The following PARD3 variants were observed in gnomAD, a reference collection of about 807,000 sequenced individuals.
PARD3 encodes partitioning defective 3 homolog.
Under a neutral mutation model 155.4 loss-of-function variants are expected in PARD3, and 75 were observed. The observed-to-expected ratio is 0.48, with a 90% CI of 0.40 to 0.58. PARD3 has a LOEUF of 0.58. PARD3 is among the 20% of genes least tolerant of loss of function. The pLI is 0.00. For missense variants in PARD3, 1,642 were observed against 1,721.7 expected, an observed-to-expected ratio of 0.95 and a Z score of 0.82; for synonymous variants, 576 against 610.5, an observed-to-expected ratio of 0.94 and a Z score of 0.83.
chr10:34,558,749 G>A (rs769663909), intron 2 of PARD3, among the ~76,000 whole-genome samples: 6 of 152,130 alleles, frequency 3.9e-5, no homozygotes, highest in Non-Finnish European at 8.8e-5. Context: ...TGGCCAACAT[G>A]GTGAAACCCC....
chr10:34,528,021 C>A (rs1016693421), intron 2 of PARD3, among the ~76,000 whole-genome samples: 3 of 152,126 alleles, frequency 2.0e-5, no homozygotes, highest in East Asian at 1.9e-4. Context: ...TAATAAAATT[C>A]TTTTTATCAA....
chr10:34,243,474 G>T (rs766951169), intron 22 of PARD3, among the ~76,000 whole-genome samples: 2 of 152,098 alleles, frequency 1.3e-5, no homozygotes, highest in Admixed American at 6.5e-5. Context: ...GTGCTAAAAC[G>T]AAATGCTTCT....
Position 34,270,812 on chromosome 10 carries a change from T to C in PARD3, c.3177-913A>G, listed in dbSNP as rs60200861. On this transcript the variant is annotated intron_variant, in intron 21 of 24. Transcript: ENST00000374788. Reference sequence around the variant, plus strand: ...ACTAGAAGGCATGTATCCAATCAAATTGTGAAGTAAAACTTGCCTACATTA... The same window carrying C: ...ACTAGAAGGCATGTATCCAATCAAACTGTGAAGTAAAACTTGCCTACATTA... Among the ~76,000 whole-genome samples, 582 of 152,256 alleles carry C rather than the reference T, an allele frequency of 3.8e-3. 9 individuals carry two copies. The highest frequency in any genetic ancestry group is 0.013 in the African/African-American group (557 of 41,542).
intron 22 of PARD3, among the ~76,000 whole-genome samples, chr10:34,153,102 G>C (rs180840971): frequency 5.3e-4 from 80 of 152,254 alleles, no homozygotes; most frequent in African/African-American, 1.7e-3. Context: ...AGAAATTGGG[G>C]GAAAACTTTT....
At chr10:34,381,822 T>A (rs531646348) in intron 9 of PARD3, among the ~76,000 whole-genome samples, 30 of 147,484 alleles carry the variant, frequency 2.0e-4, no homozygotes, top group African/African-American at 7.5e-4. Flanking sequence ...GTCACAGCAC[T>A]TGGAAGGCTG....
At chr10:34,535,998 A>T (rs1000005784) in intron 2 of PARD3, among the ~76,000 whole-genome samples, 4 of 151,826 alleles carry the variant, frequency 2.6e-5, no homozygotes, top group African/African-American at 4.8e-5. Flanking sequence ...TAGTGTTGTT[A>T]AAAAAAACTG....
At chr10:34,706,943 AC>A (rs1228533855) in intron 1 of PARD3, among the ~76,000 whole-genome samples, 1 of 152,108 alleles carries the variant, frequency 6.6e-6, no homozygotes, top group East Asian at 1.9e-4. Context: ...TCCTGTCTCC[AC>A]AAAAAATTTT....
intron 22 of PARD3, among the ~76,000 whole-genome samples, chr10:34,231,508 G>T (rs532530331): frequency 6.6e-6 from 1 of 152,130 alleles, no homozygotes; most frequent in East Asian, 1.9e-4. Context: ...TCTAACTGAC[G>T]CAATTTCCAC....
chr10:34,485,659 G>A (rs2079404102), intron 3 of PARD3, among the ~76,000 whole-genome samples: 1 of 152,110 alleles, frequency 6.6e-6, no homozygotes, highest in Admixed American at 6.6e-5. Flanking sequence ...AGGGGTTGTG[G>A]AGCCCAAGGT....
chr10:34,268,973 A>C (rs1955478626), intron 22 of PARD3, among the ~76,000 whole-genome samples: 1 of 152,202 alleles, frequency 6.6e-6, no homozygotes, highest in South Asian at 2.1e-4. Flanking sequence ...TAACAGATAA[A>C]TAAATACTGA....
chr10:34,402,523 G>C (rs962958884), intron 5 of PARD3, among the ~76,000 whole-genome samples: 13 of 152,144 alleles, frequency 8.5e-5, no homozygotes, highest in Admixed American at 8.5e-4. Context: ...TGATTATTTA[G>C]AGGTATCTGT....
intron 3 of PARD3, among the ~76,000 whole-genome samples, chr10:34,503,292 A>G (rs1373271986): frequency 6.6e-6 from 1 of 152,178 alleles, no homozygotes; most frequent in African/African-American, 2.4e-5. Context: ...TCAAAATGAC[A>G]TTTTAATTAA....
At chr10:34,162,941 C>G (rs999421240) in intron 22 of PARD3, among the ~76,000 whole-genome samples, 14 of 152,134 alleles carry the variant, frequency 9.2e-5, no homozygotes, top group Admixed American at 2.0e-4. Context: ...AATCTGAAAC[C>G]ACATAATTTC....
intron 3 of PARD3, among the ~76,000 whole-genome samples, chr10:34,471,985 T>A (rs1174216056): frequency 6.6e-6 from 1 of 152,218 alleles, no homozygotes; most frequent in African/African-American, 2.4e-5. Flanking sequence ...ACAGGCTATT[T>A]ATATACAGTG....
At position 34,331,132 on chromosome 10, in the gene PARD3, C is replaced by T; in HGVS notation, c.2818G>A (p.Glu940Lys). 1 of 1,604,026 alleles carries T rather than the reference C, an allele frequency of 6.2e-7. No individual in the cohort carries two copies. ...ATAAACTTACAGGTCTCCATGCCTT[C>T]ATCATCATCATCTACCGCGGGTTTA... ...YDKPAVDDDDEGMETLEEDTE... is the reference protein window; with the variant it reads ...YDKPAVDDDDKGMETLEEDTE... Residue 940 changes from glutamate (E) to lysine (K), a missense_variant, in exon 19 of 25, where the codon GAA (glutamate) becomes AAA (lysine). Physicochemically the swap from Glu to Lys is moderately conservative, Grantham distance 56. Transcript: ENST00000374788.
chr10:34,689,733 T>C (rs552139649), intron 2 of PARD3, among the ~76,000 whole-genome samples: 1 of 152,324 alleles, frequency 6.6e-6, no homozygotes, highest in African/African-American at 2.4e-5. Flanking sequence ...ATCTAAAACG[T>C]CGTTTACTAA....
chr10:34,111,432 G>C lies in PARD3; in HGVS notation c.3799C>G (p.Leu1267Val). The C allele has an allele frequency of 1.9e-6, 3 of 1,614,194 alleles. No individual in the cohort carries two copies. Among genetic ancestry groups the C allele is most frequent in the East Asian group, 2.2e-5 (1 of 44,870 alleles). ...CTGGCGTTGAAGCCATGTCCTCCCA[G>C]GTAGCCGTTCCTGGAGCCTTGGTAG... ...SSYQGSRNGY[L>V]GGHGFNARVM... is the part of the protein sequence containing the mutation. The change falls in exon 25 of 25, where the codon CTG becomes GTG. Residue 1267 changes from leucine (L) to valine (V), a missense_variant. Coordinates refer to ENST00000374788, the MANE Select transcript of PARD3 (RefSeq NM_001184785.2).
At chr10:34,368,500 G>A (rs1418182339) in intron 12 of PARD3, among the ~76,000 whole-genome samples, 1 of 151,870 alleles carries the variant, frequency 6.6e-6, no homozygotes, top group Non-Finnish European at 1.5e-5. Context: ...GTGAAACCCT[G>A]TCTCTACTAA....
At chr10:34,648,618 C>A (rs1590397653) in intron 2 of PARD3, among the ~76,000 whole-genome samples, 1 of 152,184 alleles carries the variant, frequency 6.6e-6, no homozygotes, top group African/African-American at 2.4e-5. Flanking sequence ...CACAGTTCCG[C>A]TAACACCGAT....
Sources: allele counts gnomAD v4.1 joint callset (sites outside exome capture counted in the v4.1 genomes callset), GRCh38; gene constraint gnomAD v4.1.1; transcripts MANE v1.5; gene names NCBI Gene and HGNC (gene_info 2026-07-23, HGNC 2026-07-21).